The following PSD3 variants were observed in gnomAD, a reference collection of about 807,000 sequenced individuals.
PSD3 encodes pleckstrin and Sec7 domain containing 3.
A neutral mutation model predicts 105.5 loss-of-function variants in PSD3; 49 were observed. That is an observed-to-expected ratio of 0.46 (90% CI 0.37 to 0.59). The LOEUF (loss-of-function observed/expected upper bound fraction) is 0.59, where lower values mean the gene tolerates loss of function less well. PSD3 is among the 20% of genes least tolerant of loss of function. PSD3 has a pLI of 0.00. For missense variants in PSD3, 1,561 were observed against 1,263.8 expected, an observed-to-expected ratio of 1.24 and a Z score of -3.57; for synonymous variants, 557 against 457.8, an observed-to-expected ratio of 1.22 and a Z score of -2.77.
At chr8:19,043,492 C>G (rs752302315) in intron 1 of PSD3, among the ~76,000 whole-genome samples, 5 of 152,074 alleles carry the variant, frequency 3.3e-5, no homozygotes, top group Admixed American at 6.5e-5. Context: ...TTGCAGGTTA[C>G]CTTTAGGTTT....
intron 14 of PSD3, 37 bp from the exon 15 acceptor site, chr8:18,556,389 A>C (rs768261307): frequency 1.3e-6 from 2 of 1,590,132 alleles, no homozygotes; most frequent in African/African-American, 1.4e-5. Context: ...CGTTCAAAAA[A>C]AAAACAAGTC....
intron 14 of PSD3, among the ~76,000 whole-genome samples, chr8:18,570,843 CTATTATTATTATTAT>C (rs57603961): frequency 8.5e-6 from 1 of 117,418 alleles, no homozygotes; most frequent in Admixed American, 8.6e-5. Flanking sequence ...CTGCTTAAAA[CTATTATTATTATTAT>C]TATTATTATT....
chr8:18,604,287 T>C (rs563268900), intron 11 of PSD3, among the ~76,000 whole-genome samples: 2 of 152,350 alleles, frequency 1.3e-5, no homozygotes, highest in African/African-American at 4.8e-5. Flanking sequence ...ACTTTTGTTA[T>C]GCCTTACCAA....
In PSD3 at chr8:18,929,373, G is replaced by T. The variant is rs1821590640; in HGVS notation, c.130+6661C>A. Reference sequence around the variant, plus strand: ...GCCACAGAGAAGCTAGAAACCCAGAGTTGGCAGGTCTCCAGATCTGGAATG... The same window carrying T: ...GCCACAGAGAAGCTAGAAACCCAGATTTGGCAGGTCTCCAGATCTGGAATG... On this transcript the variant is annotated intron_variant, in intron 2 of 15. Transcript: ENST00000327040. 2.0e-5 allele frequency among the ~76,000 whole-genome samples: 3 copies of T among 152,112 alleles called. No homozygotes were observed. In the South Asian group the frequency reaches 6.2e-4, roughly 32 times the overall value.
chr8:18,815,771 A>G (rs1812169336), intron 4 of PSD3, among the ~76,000 whole-genome samples: 1 of 7,654 alleles, frequency 1.3e-4, no homozygotes, highest in Non-Finnish European at 9.7e-4. Context: ...CCTTGCACAT[A>G]ACTTCACTTT....
At chr8:18,964,774 C>T (rs1824137819) in intron 1 of PSD3, among the ~76,000 whole-genome samples, 1 of 152,182 alleles carries the variant, frequency 6.6e-6, no homozygotes, top group African/African-American at 2.4e-5. Context: ...ACATCCAAGC[C>T]ACCCTTTTAC....
chr8:18,638,837 T>C (rs570136687), intron 10 of PSD3, among the ~76,000 whole-genome samples: 1 of 152,060 alleles, frequency 6.6e-6, no homozygotes, highest in African/African-American at 2.4e-5. Context: ...CTGTAAAATA[T>C]AAAGTTACTG....
chr8:18,759,942 C>T (rs1806370944), intron 9 of PSD3, among the ~76,000 whole-genome samples: 1 of 115,156 alleles, frequency 8.7e-6, no homozygotes, highest in Non-Finnish European at 1.7e-5. Flanking sequence ...CAATTATCAA[C>T]CACCAGAGTT....
intron 12 of PSD3, among the ~76,000 whole-genome samples, chr8:18,583,876 C>T (rs1802981270): frequency 6.6e-6 from 1 of 152,160 alleles, no homozygotes; most frequent in South Asian, 2.1e-4. Context: ...TAGTATACAA[C>T]ATTCTAGAAG....
rs556787709 is a variant in PSD3 at position 18,642,166 on chromosome 8, C to G, written c.2217-9360G>C. On this transcript the variant is annotated intron_variant, in intron 10 of 15. Transcript: ENST00000327040. The stretch of plus-strand genomic sequence containing the variant: ...ATGTACAATGACTGTAGTATGCTTT[C>G]CAAACCAAGACAAACTTAACCAATG... Among the ~76,000 whole-genome samples the G allele has an allele frequency of 1.4e-3, 207 of 152,164 alleles. 1 individual carries two copies. The highest frequency in any genetic ancestry group is 4.8e-3 in the African/African-American group (199 of 41,544).
chr8:18,646,634 T>C (rs571887108), intron 10 of PSD3, among the ~76,000 whole-genome samples: 2 of 152,192 alleles, frequency 1.3e-5, no homozygotes, highest in South Asian at 4.2e-4. Context: ...CGACAAATTA[T>C]ATTAAAAAGT....
intron 1 of PSD3, among the ~76,000 whole-genome samples, chr8:18,954,966 C>G (rs1447326622): frequency 2.6e-5 from 4 of 152,212 alleles, no homozygotes; most frequent in Admixed American, 2.0e-4. Flanking sequence ...GAGATAACAT[C>G]AAGGTGCAGG....
chr8:18,756,137 A>G (rs1806026234), intron 9 of PSD3, among the ~76,000 whole-genome samples: 1 of 152,150 alleles, frequency 6.6e-6, no homozygotes, highest in Non-Finnish European at 1.5e-5. Flanking sequence ...CTCTTCCTCC[A>G]TGGATACTGT....
At chr8:18,581,397 A>C (rs1280007390) in intron 12 of PSD3, among the ~76,000 whole-genome samples, 1 of 141,358 alleles carries the variant, frequency 7.1e-6, no homozygotes, top group Non-Finnish European at 1.6e-5. Flanking sequence ...TGCAAGTACT[A>C]GAAAAAACAC....
chr8:18,837,202 C>T (rs1427845641), intron 4 of PSD3, among the ~76,000 whole-genome samples: 1 of 152,098 alleles, frequency 6.6e-6, no homozygotes, highest in Non-Finnish European at 1.5e-5. Flanking sequence ...AAGATCCAGA[C>T]AGTATAAGAT....
chr8:18,800,740 A>G (rs1810605114), intron 7 of PSD3, among the ~76,000 whole-genome samples: 1 of 152,236 alleles, frequency 6.6e-6, no homozygotes, highest in Admixed American at 6.5e-5. Flanking sequence ...TCAGTATAGT[A>G]CAATTAATAT....
intron 9 of PSD3, among the ~76,000 whole-genome samples, chr8:18,754,355 G>T (rs993632604): frequency 3.9e-5 from 6 of 152,158 alleles, no homozygotes; most frequent in African/African-American, 2.4e-5. Flanking sequence ...CTGCATTCCA[G>T]CCTGGGCGAC....
intron 9 of PSD3, among the ~76,000 whole-genome samples, chr8:18,711,355 A>G (rs1411599819): frequency 6.6e-6 from 1 of 152,220 alleles, no homozygotes; most frequent in Non-Finnish European, 1.5e-5. Flanking sequence ...AGCTGGAGAA[A>G]GAGTCAAAAC....
chr8:18,863,749 A>G (rs1415380529), intron 4 of PSD3, among the ~76,000 whole-genome samples: 1 of 152,148 alleles, frequency 6.6e-6, no homozygotes, highest in Non-Finnish European at 1.5e-5. Flanking sequence ...AGACAAATAG[A>G]CACGCACTCA....
Sources: gnomAD v4.1 joint callset for allele counts (sites outside exome capture counted in the v4.1 genomes callset) on GRCh38, gnomAD v4.1.1 for gene constraint, MANE v1.5 for transcripts, NCBI Gene and HGNC (gene_info 2026-07-23, HGNC 2026-07-21) for gene names.